The following GALNTL6 variants were observed in gnomAD, a reference collection of about 807,000 sequenced individuals.
GALNTL6 encodes the protein polypeptide N-acetylgalactosaminyltransferase-like 6.
Under a neutral mutation model 73.7 loss-of-function variants are expected in GALNTL6, and 46 were observed. The ratio of observed to expected loss-of-function variants is 0.62; its 90% CI spans 0.49 to 0.80. The LOEUF (loss-of-function observed/expected upper bound fraction) is 0.80, where lower values mean the gene tolerates loss of function less well. Among genes scored for constraint, GALNTL6 ranks in the 30% least tolerant of loss-of-function variants. The probability of loss-of-function intolerance (pLI) is 0.00; values close to 1 mark genes in which losing one functional copy is unlikely to be tolerated. For missense variants in GALNTL6, 604 were observed against 755.0 expected (o/e 0.80, Z 2.34); for synonymous variants, 259 against 263.7 (o/e 0.98, Z 0.17).
At chr4:171,910,421 A>G (rs1490181477) in intron 2 of GALNTL6, among the ~76,000 whole-genome samples, 1 of 152,182 alleles carries the variant, frequency 6.6e-6, no homozygotes, top group Non-Finnish European at 1.5e-5. Flanking sequence ...CAACTGTATA[A>G]TATATAAATT....
chr4:171,962,066 C>T (rs181388123), intron 2 of GALNTL6, among the ~76,000 whole-genome samples: 3 of 152,302 alleles, frequency 2.0e-5, no homozygotes, highest in Admixed American at 1.3e-4. Flanking sequence ...CATACCCATG[C>T]TTTCTGACTG....
intron 5 of GALNTL6, among the ~76,000 whole-genome samples, chr4:172,581,283 A>C (rs952422662): frequency 2.6e-5 from 4 of 152,208 alleles, no homozygotes; most frequent in Admixed American, 6.5e-5. Flanking sequence ...CAGAGTGTGC[A>C]TGCATACTAA....
chr4:172,930,496 T>C (rs907578466), intron 8 of GALNTL6, among the ~76,000 whole-genome samples: 6 of 152,228 alleles, frequency 3.9e-5, no homozygotes, highest in Non-Finnish European at 8.8e-5. Flanking sequence ...TAAATTGGCA[T>C]TTTAATTTCA....
intron 10 of GALNTL6, among the ~76,000 whole-genome samples, chr4:172,965,885 A>G (rs962394373): frequency 2.0e-5 from 3 of 152,154 alleles, no homozygotes; most frequent in Admixed American, 6.5e-5. Flanking sequence ...GATTTGTGTG[A>G]CAGGAGTCCA....
At chr4:171,911,650 G>A (rs1737480255) in intron 2 of GALNTL6, among the ~76,000 whole-genome samples, 1 of 152,242 alleles carries the variant, frequency 6.6e-6, no homozygotes, top group East Asian at 1.9e-4. Flanking sequence ...AGGGAAAGAG[G>A]ATAAGGAAAG....
At chr4:172,304,431 A>AAG (rs1554012216) in intron 3 of GALNTL6, among the ~76,000 whole-genome samples, 3 of 151,618 alleles carry the variant, frequency 2.0e-5, no homozygotes, top group Non-Finnish European at 2.9e-5. Flanking sequence ...ATGGGAAAAA[A>AAG]AAAAGCAAAT....
rs905979594 is a variant in GALNTL6, at chr4:172,019,170, T to C, written c.138+204452T>C. Among the ~76,000 whole-genome samples, 10 of 152,236 alleles carry C rather than the reference T, an allele frequency of 6.6e-5. No individual in the cohort carries two copies. In the East Asian group the frequency reaches 1.9e-3, roughly 29 times the overall value. Reference sequence around the variant, plus strand: ...TTTTCCCGGTACACTCCTGCAATGGTTTTTGGAACAAAAGTTCATGGTCTG... The same window carrying C: ...TTTTCCCGGTACACTCCTGCAATGGCTTTTGGAACAAAAGTTCATGGTCTG... On this transcript the variant is annotated intron_variant, in intron 2 of 12. Coordinates refer to ENST00000506823, the MANE Select transcript of GALNTL6 (RefSeq NM_001034845.3).
intron 5 of GALNTL6, among the ~76,000 whole-genome samples, chr4:172,750,998 T>C (rs565845951): frequency 1.5e-4 from 23 of 152,276 alleles, no homozygotes; most frequent in African/African-American, 5.5e-4. Context: ...AAATCTTATA[T>C]GTGGGTTGTG....
intron 10 of GALNTL6, among the ~76,000 whole-genome samples, chr4:172,971,290 C>T (rs146321681): frequency 9.8e-4 from 149 of 152,132 alleles, no homozygotes; most frequent in African/African-American, 3.2e-3. Flanking sequence ...CTGTTATAGC[C>T]GCACAAAACA....
At chr4:172,383,798 A>G (rs910638428) in intron 5 of GALNTL6, among the ~76,000 whole-genome samples, 7 of 151,746 alleles carry the variant, frequency 4.6e-5, no homozygotes, top group Non-Finnish European at 7.4e-5. Flanking sequence ...TTCTATTCTT[A>G]TTTTTCTTGA....
chr4:172,749,266 A>G (rs1428413729), intron 5 of GALNTL6, among the ~76,000 whole-genome samples: 1 of 151,952 alleles, frequency 6.6e-6, no homozygotes, highest in African/African-American at 2.4e-5. Context: ...TATCCTCCAT[A>G]CCTACGATAT....
At chr4:172,130,732 A>G (rs1733465617) in intron 2 of GALNTL6, among the ~76,000 whole-genome samples, 1 of 152,144 alleles carries the variant, frequency 6.6e-6, no homozygotes, top group Admixed American at 6.6e-5. Context: ...AAATTACCGC[A>G]GTTTTATAGA....
chr4:172,794,958 T>C (rs544163007), intron 5 of GALNTL6, among the ~76,000 whole-genome samples: 6 of 152,318 alleles, frequency 3.9e-5, no homozygotes, highest in Admixed American at 1.3e-4. Flanking sequence ...AGAGGAATGC[T>C]ATTTGGACAG....
At chr4:172,217,352 T>A (rs530793880) in intron 2 of GALNTL6, among the ~76,000 whole-genome samples, 3 of 152,230 alleles carry the variant, frequency 2.0e-5, no homozygotes, top group Admixed American at 2.0e-4. Flanking sequence ...ATATATAGGG[T>A]TCAATAAACC....
rs371924856 is a variant in GALNTL6 at position 172,317,994 on chromosome 4, A to C, written c.386+6242A>C. Among the ~76,000 whole-genome samples, 5 of 152,344 alleles carry C rather than the reference A, an allele frequency of 3.3e-5. No individual in the cohort carries two copies. In the East Asian group the frequency reaches 7.7e-4, roughly 24 times the overall value. ...AAATGTATCCTTTAAATCAAACACT[A>C]TTCTAGCCTAGGGCACATCTAAATA... On this transcript the variant is annotated intron_variant, in intron 4 of 12. Transcript: ENST00000506823.
At chr4:172,089,153 G>C (rs1391288917) in intron 2 of GALNTL6, among the ~76,000 whole-genome samples, 1 of 152,192 alleles carries the variant, frequency 6.6e-6, no homozygotes, top group East Asian at 1.9e-4. Flanking sequence ...GGAGATGGTA[G>C]TGCAGATGGG....
intron 5 of GALNTL6, among the ~76,000 whole-genome samples, chr4:172,492,034 C>A (rs1205249831): frequency 6.6e-6 from 1 of 151,880 alleles, no homozygotes; most frequent in Non-Finnish European, 1.5e-5. Flanking sequence ...CTATGTTAGG[C>A]TATAGGGTCA....
At chr4:172,441,126 T>G (rs1312069942) in intron 5 of GALNTL6, among the ~76,000 whole-genome samples, 1 of 152,100 alleles carries the variant, frequency 6.6e-6, no homozygotes. Flanking sequence ...TTCAAATTTG[T>G]TTTTGCTCCA....
chr4:172,455,727 C>G (rs1055217216), intron 5 of GALNTL6, among the ~76,000 whole-genome samples: 2 of 152,196 alleles, frequency 1.3e-5, no homozygotes, highest in East Asian at 3.9e-4. Flanking sequence ...ATTCCCATCT[C>G]CCTGGGACAG....
Sources: allele counts gnomAD v4.1 joint callset (sites outside exome capture counted in the v4.1 genomes callset), GRCh38; gene constraint gnomAD v4.1.1; transcripts MANE v1.5; gene names NCBI Gene and HGNC (gene_info 2026-07-23, HGNC 2026-07-21).